PISD: variants seen among roughly 807,000 people sequenced by gnomAD.
PISD encodes the protein phosphatidylserine decarboxylase proenzyme, mitochondrial.
Under a neutral mutation model 43.5 loss-of-function variants are expected in PISD, and 31 were observed. The observed-to-expected ratio is 0.71, with a 90% confidence interval of 0.54 to 0.96. PISD has a LOEUF of 0.96. Ranked by LOEUF, PISD falls within the 40% of genes least tolerant of loss-of-function variation. The probability of loss-of-function intolerance (pLI) is 0.00; values close to 1 mark genes in which losing one functional copy is unlikely to be tolerated. For synonymous variants in PISD, 259 were observed against 228.7 expected (o/e 1.13, Z -1.20); for missense variants, 523 against 548.4 (o/e 0.95, Z 0.46).
chr22:31,619,567 C>A lies in PISD; in HGVS notation c.*45G>T. 6.5e-7 allele frequency: 1 copy of A among 1,528,032 alleles called. No homozygotes were observed. The highest frequency in any genetic ancestry group is 1.1e-5 in the South Asian group (1 of 88,450). 94.7% of individuals were successfully genotyped at this position (1,528,032 alleles called of 1,614,324 possible). ...CCTCCCTCTTGAAAAGACCCTCACT[C>A]TGTTTGGAAAAGATCCCTTAGCAGC... is the stretch of plus-strand genomic sequence containing the variant. On this transcript the variant is annotated 3_prime_UTR_variant, in exon 8 of 8. Transcript: ENST00000439502.
chr22:31,619,420 T>C lies in PISD; in HGVS notation c.*192A>G, dbSNP rs14034. 0.31 allele frequency: 212,046 copies of C among 679,788 alleles called. 35,206 individuals are homozygous for C. Among genetic ancestry groups the C allele is most frequent in the African/African-American group, 0.49 (27,612 of 56,858 alleles). 42.1% of individuals were successfully genotyped at this position (679,788 alleles called of 1,614,324 possible). Reference sequence around the variant, plus strand: ...GAACGGGATAGGTTGAGGGGCATGATGGGGGCTCTCGCCACCTCTTGTCTG... The same window carrying C: ...GAACGGGATAGGTTGAGGGGCATGACGGGGGCTCTCGCCACCTCTTGTCTG... On this transcript the variant is annotated 3_prime_UTR_variant, in exon 8 of 8. Transcript: ENST00000439502.
intron 2 of PISD, among the ~76,000 whole-genome samples, chr22:31,648,732 T>C (rs938385059): frequency 3.3e-5 from 5 of 151,262 alleles, no homozygotes; most frequent in African/African-American, 1.2e-4. Context: ...AGCAGGCAGG[T>C]GCAACCTTGG....
At position 31,621,642 on chromosome 22, in the gene PISD, G is replaced by A; in HGVS notation, c.558+7C>T. The A allele has an allele frequency of 6.2e-7, 1 of 1,611,494 alleles. No homozygotes were observed. Among genetic ancestry groups the A allele is most frequent in the Non-Finnish European group, 8.5e-7 (1 of 1,178,308 alleles). Reference sequence around the variant, plus strand: ...GTTTCCTGCAGGAGGAAAGGGTCAGGCCTCACCACGCTGTGCAGGCCACAG... The same window carrying A: ...GTTTCCTGCAGGAGGAAAGGGTCAGACCTCACCACGCTGTGCAGGCCACAG... On this transcript the variant is annotated splice_region_variant and intron_variant, in intron 4 of 7. Coordinates refer to ENST00000439502, the MANE Select transcript of PISD (RefSeq NM_001326411.2).
intron 3 of PISD, chr22:31,623,579 G>A (rs1965598666): frequency 1.8e-6 from 2 of 1,131,006 alleles, no homozygotes; most frequent in African/African-American, 1.6e-5. Context: ...ATGTAGCGGT[G>A]ACCTCTGCTT....
At chr22:31,619,899 ATG>A (rs2072403447) in intron 7 of PISD, 63 bp from the exon 8 acceptor site, 4 of 1,081,172 alleles carry the variant, frequency 3.7e-6, no homozygotes, top group South Asian at 2.9e-5. Flanking sequence ...TCACCCCCAC[ATG>A]TGTTTGGAGT....
At chr22:31,643,831 G>A (rs1384689561) in intron 3 of PISD, among the ~76,000 whole-genome samples, 1 of 152,112 alleles carries the variant, frequency 6.6e-6, no homozygotes, top group Non-Finnish European at 1.5e-5. Context: ...GGCAGATCAC[G>A]AAGTCAGGAG....
intron 1 of PISD, among the ~76,000 whole-genome samples, chr22:31,658,949 G>A (rs1030528561): frequency 6.6e-6 from 1 of 151,674 alleles, no homozygotes. Context: ...AACCTCCTGG[G>A]CTCAGGCAAT....
chr22:31,626,222 A>G, intron 3 of PISD: 1 of 227,968 alleles, frequency 4.4e-6, no homozygotes, highest in African/African-American at 2.3e-5. Flanking sequence ...GCAAGGCCCT[A>G]GGGCTGCCCG....
chr22:31,654,786 G>A (rs1486482859), intron 1 of PISD, among the ~76,000 whole-genome samples: 4 of 152,042 alleles, frequency 2.6e-5, no homozygotes, highest in Non-Finnish European at 5.9e-5. Flanking sequence ...TATTAAAGAT[G>A]GCAGGAAGGC....
rs773597917 is a variant in PISD, at chr22:31,620,604, CAGTG to C, written c.950_953del (p.Ser317Ter). On this transcript the variant is annotated frameshift_variant, in exon 7 of 8. Coordinates refer to ENST00000439502, the MANE Select transcript of PISD (RefSeq NM_001326411.2). LOFTEE classifies it high-confidence loss of function. ...CCACGTTGGTGGCCCCCACAGCTGTCAGTGAGAAGAAGCCATGTTTCCAGTCCCC... is the reference window on the plus strand; with the variant it reads ...CCACGTTGGTGGCCCCCACAGCTGTCAGAAGAAGCCATGTTTCCAGTCCCC... The C allele has an allele frequency of 3.1e-6, 5 of 1,614,232 alleles. No individual in the cohort carries two copies. Among genetic ancestry groups the C allele is most frequent in the African/African-American group, 1.3e-5 (1 of 75,064 alleles).
chr22:31,662,360 A>C, upstream of PISD: 1 of 739,032 alleles, frequency 1.4e-6, no homozygotes, highest in Non-Finnish European at 2.3e-6. Context: ...TCCCCACCTA[A>C]CCCGCTTGGC....
intron 3 of PISD, chr22:31,626,137 G>T: frequency 1.1e-6 from 1 of 945,454 alleles, no homozygotes; most frequent in African/African-American, 1.7e-5. Flanking sequence ...CACCTGCTCT[G>T]TCCCTGCTAC....
chr22:31,621,335 T>C lies in PISD; in HGVS notation c.696A>G (p.Pro232=), dbSNP rs2072556441. The change falls in exon 5 of 8, where the codon CCA becomes CCG. Residue 232 remains proline (P), a splice_region_variant and synonymous_variant. Transcript: ENST00000439502. The part of the protein sequence containing the change: ...RMCTEDLPFP[P]AASCDSFKNQ... The stretch of plus-strand genomic sequence containing the variant: ...AGCCCCGCCTGTGCAGTGACCCACC[T>C]GGTGGGAAGGGCAGGTCCTCTGTGC... The C allele has an allele frequency of 6.2e-7, 1 of 1,613,832 alleles. No homozygotes were observed. Among genetic ancestry groups the C allele is most frequent in the African/African-American group, 1.3e-5 (1 of 74,912 alleles).
intron 6 of PISD, 27 bp from the exon 7 acceptor site, chr22:31,620,740 C>G (rs9621297): frequency 8.1e-6 from 13 of 1,612,978 alleles, no homozygotes; most frequent in Admixed American, 3.3e-5. Context: ...TGCCGCTACT[C>G]CCCGTCCAGA....
At position 31,652,525 on chromosome 22, in the gene PISD, C is replaced by T. The variant is rs543999517; in HGVS notation, c.66-1747G>A. Reference sequence around the variant, plus strand: ...ATTTCCTTGCCTTACAAACACCTGGCTGAGCACATGATGGCTCACGCCTGG... The same window carrying T: ...ATTTCCTTGCCTTACAAACACCTGGTTGAGCACATGATGGCTCACGCCTGG... On this transcript the variant is annotated intron_variant, in intron 1 of 7. Coordinates refer to ENST00000439502, the MANE Select transcript of PISD (RefSeq NM_001326411.2). Among the ~76,000 whole-genome samples the T allele has an allele frequency of 3.3e-5, 5 of 152,018 alleles. No individual in the cohort carries two copies. In the South Asian group the frequency reaches 8.3e-4, roughly 25 times the overall value.
rs2072338477 is a variant in PISD, at chr22:31,619,272, C to T, written c.*340G>A. 1.1e-5 allele frequency: 4 copies of T among 352,196 alleles called. No individual in the cohort carries two copies. The highest frequency in any genetic ancestry group is 8.1e-5 in the Admixed American group (2 of 24,796). 21.8% of individuals were successfully genotyped at this position (352,196 alleles called of 1,614,324 possible). ...TGGGGGGAGGAGCAGCAAGAAAAAA[C>T]GACAACCGAGACCAACTGAAGGTTC... On this transcript the variant is annotated 3_prime_UTR_variant, in exon 8 of 8. Coordinates refer to ENST00000439502, the MANE Select transcript of PISD (RefSeq NM_001326411.2).
At position 31,623,944 on chromosome 22, in the gene PISD, T is replaced by C. The variant is rs865920640; in HGVS notation, c.322-2059A>G. ...CCTGCACCCAGGGCAGGATTCCTCC[T>C]GTCTACCCACCCTTGGCAAGCTGCC... On this transcript the variant is annotated intron_variant, in intron 3 of 7. Transcript: ENST00000439502. 8.8e-5 allele frequency: 105 copies of C among 1,197,328 alleles called. No homozygotes were observed. In the Middle Eastern group the frequency reaches 3.4e-3, roughly 39 times the overall value. The allele number at this position is 1,197,328 out of a possible 1,614,324, so 74.2% of individuals were successfully genotyped here.
intron 3 of PISD, chr22:31,623,633 C>T: frequency 6.4e-7 from 1 of 1,552,714 alleles, no homozygotes. Flanking sequence ...ACCCCAACCT[C>T]AGGCCTGCCC....
intron 3 of PISD, chr22:31,638,551 C>T (rs973583763): frequency 3.0e-6 from 3 of 985,456 alleles, no homozygotes; most frequent in South Asian, 4.7e-5. Context: ...AGAGGCAAAA[C>T]GGGTAGTAAG....
Sources: allele counts gnomAD v4.1 joint callset (sites outside exome capture counted in the v4.1 genomes callset), GRCh38; gene constraint gnomAD v4.1.1; transcripts MANE v1.5; gene names NCBI Gene and HGNC (gene_info 2026-07-23, HGNC 2026-07-21).